IMMP2L: variants seen among roughly 807,000 people sequenced by gnomAD.
The protein encoded by IMMP2L is inner mitochondrial membrane peptidase subunit 2, also known as mitochondrial inner membrane protease subunit 2.
IMMP2L carries 18 observed loss-of-function variants against 19.3 expected under a neutral mutation model. That is an observed-to-expected ratio of 0.93 (90% CI 0.64 to 1.38). The LOEUF (loss-of-function observed/expected upper bound fraction) is 1.38, where lower values mean the gene tolerates loss of function less well. IMMP2L is among the 40% of genes most tolerant of loss of function. IMMP2L has a pLI of 0.00. For missense variants in IMMP2L, 233 were observed against 218.2 expected, an observed-to-expected ratio of 1.07 and a Z score of -0.43; for synonymous variants, 76 against 73.0, an observed-to-expected ratio of 1.04 and a Z score of -0.21.
intron 4 of IMMP2L, among the ~76,000 whole-genome samples, chr7:110,952,609 T>C (rs1196784701): frequency 6.6e-6 from 1 of 152,108 alleles, no homozygotes; most frequent in Non-Finnish European, 1.5e-5. Context: ...TTGTCAAAAG[T>C]ATCAAAAGTT....
intron 3 of IMMP2L, among the ~76,000 whole-genome samples, chr7:111,446,059 C>A (rs1838359964): frequency 6.6e-6 from 1 of 151,880 alleles, no homozygotes; most frequent in Admixed American, 6.6e-5. Flanking sequence ...GGGTCCTACG[C>A]CCACGGAATC....
intron 5 of IMMP2L, among the ~76,000 whole-genome samples, chr7:110,779,019 GA>G (rs1023740182): frequency 6.6e-6 from 1 of 151,890 alleles, no homozygotes; most frequent in Admixed American, 6.6e-5. Context: ...AATAGAAAGC[GA>G]AGTCTTGAGG....
chr7:110,769,426 T>C (rs1033505585), intron 5 of IMMP2L, among the ~76,000 whole-genome samples: 3 of 152,200 alleles, frequency 2.0e-5, no homozygotes, highest in Non-Finnish European at 4.4e-5. Context: ...TATGCTGGGA[T>C]TGATTGTCCA....
intron 5 of IMMP2L, among the ~76,000 whole-genome samples, chr7:110,664,125 C>G (rs1270486219): frequency 6.6e-6 from 1 of 152,104 alleles, no homozygotes; most frequent in Non-Finnish European, 1.5e-5. Context: ...GCCTCAAGAG[C>G]CTATTTGCAT....
chr7:110,816,855 T>C (rs2131306092), intron 5 of IMMP2L, among the ~76,000 whole-genome samples: 1 of 152,264 alleles, frequency 6.6e-6, no homozygotes, highest in African/African-American at 2.4e-5. Flanking sequence ...TGAGCCTATG[T>C]GTGTCTCTGC....
chr7:110,860,383 TTAAGATTACTTAAAAGG>T (rs1311148173), intron 5 of IMMP2L, among the ~76,000 whole-genome samples: 2 of 152,102 alleles, frequency 1.3e-5, no homozygotes, highest in African/African-American at 2.4e-5. Context: ...CTTGGAGCCC[TTAAGATTACTTAAAAGG>T]CAATGTCATG....
chr7:110,877,096 C>T lies in IMMP2L; in HGVS notation c.408+9497G>A, dbSNP rs1318659682. Among the ~76,000 whole-genome samples the T allele has an allele frequency of 6.6e-6, 1 of 152,096 alleles. No homozygotes were observed. The highest frequency in any genetic ancestry group is 2.4e-5 in the African/African-American group (1 of 41,422). On this transcript the variant is annotated intron_variant, in intron 5 of 5. Transcript: ENST00000405709. The surrounding 1 kb of genome is among the most constrained non-coding windows in gnomAD (Gnocchi z 4.0). The stretch of plus-strand genomic sequence containing the variant: ...GTTACAGAGGGAAAGCAGCCATAGT[C>T]AATATGAAAGCCAGAGTGTGGCTGT...
intron 5 of IMMP2L, among the ~76,000 whole-genome samples, chr7:110,851,062 G>A (rs572300935): frequency 1.3e-4 from 20 of 152,202 alleles, no homozygotes; most frequent in African/African-American, 4.3e-4. Flanking sequence ...TAATTAGGAC[G>A]TTGATTAAGT....
chr7:111,390,575 T>C (rs1832248119), intron 3 of IMMP2L: 1 of 152,166 alleles, frequency 6.6e-6, no homozygotes, highest in South Asian at 2.1e-4. Context: ...ATTTACCTTC[T>C]CATGCGGTGT....
intron 3 of IMMP2L, among the ~76,000 whole-genome samples, chr7:111,318,725 A>C (rs534202488): frequency 3.9e-5 from 6 of 152,268 alleles, no homozygotes; most frequent in African/African-American, 1.4e-4. Flanking sequence ...CTATACCATA[A>C]TGAAGAAAAA....
At chr7:110,667,464 C>A (rs946924904) in intron 5 of IMMP2L, among the ~76,000 whole-genome samples, 3 of 152,110 alleles carry the variant, frequency 2.0e-5, no homozygotes, top group Admixed American at 1.3e-4. Context: ...AAGATGCTAA[C>A]CAGTTGACCT....
At chr7:111,339,812 A>G (rs1269890330) in intron 3 of IMMP2L, among the ~76,000 whole-genome samples, 1 of 152,058 alleles carries the variant, frequency 6.6e-6, no homozygotes, top group African/African-American at 2.4e-5. Context: ...CTTCTGTAAT[A>G]TATCAAAATA....
intron 3 of IMMP2L, among the ~76,000 whole-genome samples, chr7:111,259,832 C>A (rs1460020410): frequency 6.6e-6 from 1 of 151,942 alleles, no homozygotes; most frequent in Non-Finnish European, 1.5e-5. Flanking sequence ...AAAATATTTT[C>A]TTTTTTAAAA....
chr7:110,998,869 C>T (rs1482211041), intron 3 of IMMP2L, among the ~76,000 whole-genome samples: 3 of 152,136 alleles, frequency 2.0e-5, no homozygotes, highest in Admixed American at 2.0e-4. Flanking sequence ...TCACAGCTCT[C>T]AATGGGAGGA....
At chr7:110,769,512 T>C (rs1173112434) in intron 5 of IMMP2L, among the ~76,000 whole-genome samples, 1 of 152,140 alleles carries the variant, frequency 6.6e-6, no homozygotes, top group African/African-American at 2.4e-5. Context: ...TTCTGCTAGA[T>C]AATACGCAGA....
chr7:111,445,065 G>C (rs1438568031), intron 3 of IMMP2L, among the ~76,000 whole-genome samples: 1 of 152,022 alleles, frequency 6.6e-6, no homozygotes, highest in Non-Finnish European at 1.5e-5. Flanking sequence ...TCAATTGCTA[G>C]ATCTAAACGT....
intron 3 of IMMP2L, among the ~76,000 whole-genome samples, chr7:111,182,959 C>T (rs1017871126): frequency 1.3e-5 from 2 of 152,022 alleles, no homozygotes; most frequent in African/African-American, 4.8e-5. Context: ...TGGCAGTTTT[C>T]TCTTAAATTG....
chr7:111,144,803 G>A (rs967456785), intron 3 of IMMP2L, among the ~76,000 whole-genome samples: 4 of 152,020 alleles, frequency 2.6e-5, no homozygotes, highest in Non-Finnish European at 4.4e-5. Flanking sequence ...AAACAATGTC[G>A]AGCAACACAC....
intron 3 of IMMP2L, among the ~76,000 whole-genome samples, chr7:111,392,292 A>G (rs1246319841): frequency 3.9e-5 from 6 of 152,004 alleles, no homozygotes; most frequent in African/African-American, 2.4e-5. Context: ...CAATGCCCCC[A>G]CCCACTGGAA....
Sources: gnomAD v4.1 joint callset for allele counts (sites outside exome capture counted in the v4.1 genomes callset) on GRCh38, gnomAD v4.1.1 for gene constraint, Gnocchi (gnomAD v3.1) non-coding constraint, MANE v1.5 for transcripts, NCBI Gene and HGNC (gene_info 2026-07-23, HGNC 2026-07-21) for gene names.